The following CHP1 variants were observed in gnomAD, a reference collection of about 807,000 sequenced individuals.
CHP1 encodes the protein calcineurin like EF-hand protein 1, also known as calcineurin B homologous protein 1.
A neutral mutation model predicts 27.4 loss-of-function variants in CHP1; 11 were observed. The ratio of observed to expected loss-of-function variants is 0.40; its 90% CI spans 0.25 to 0.67. The LOEUF (loss-of-function observed/expected upper bound fraction) is 0.67. Among genes scored for constraint, CHP1 ranks in the 30% least tolerant of loss-of-function variants. The probability of loss-of-function intolerance (pLI) is 0.38; values close to 1 mark genes in which losing one functional copy is unlikely to be tolerated. For missense variants in CHP1, 169 were observed against 251.3 expected, an observed-to-expected ratio of 0.67 and a Z score of 2.22; for synonymous variants, 89 against 87.4, an observed-to-expected ratio of 1.02 and a Z score of -0.10.
At chr15:41,237,460 TC>T (rs1380900384) in intron 1 of CHP1, among the ~76,000 whole-genome samples, 1 of 152,186 alleles carries the variant, frequency 6.6e-6, no homozygotes, top group Non-Finnish European at 1.5e-5. Flanking sequence ...ATCATTCACT[TC>T]CTATTCAAAT....
At chr15:41,235,803 T>G (rs1467607447) in intron 1 of CHP1, among the ~76,000 whole-genome samples, 1 of 152,180 alleles carries the variant, frequency 6.6e-6, no homozygotes, top group Non-Finnish European at 1.5e-5. Context: ...GAAATTCAAC[T>G]TCAGGTTTCT....
chr15:41,233,927 C>T (rs982896517), intron 1 of CHP1, among the ~76,000 whole-genome samples: 5 of 152,122 alleles, frequency 3.3e-5, no homozygotes, highest in African/African-American at 1.2e-4. Context: ...TAGTGTCCAT[C>T]ATCAGAGTTG....
intron 5 of CHP1, chr15:41,272,342 A>G (rs1472942544): frequency 1.3e-5 from 2 of 152,080 alleles, no homozygotes; most frequent in African/African-American, 4.8e-5. Context: ...TATATTATTT[A>G]TACTTCAATA....
At chr15:41,268,202 G>A (rs1045536212) in intron 4 of CHP1, among the ~76,000 whole-genome samples, 3 of 152,172 alleles carry the variant, frequency 2.0e-5, no homozygotes, top group African/African-American at 7.2e-5. Flanking sequence ...AGATGAGAAA[G>A]GCATAGGGAG....
intron 1 of CHP1, among the ~76,000 whole-genome samples, chr15:41,238,168 T>C (rs2047287245): frequency 6.6e-6 from 1 of 152,022 alleles, no homozygotes; most frequent in Non-Finnish European, 1.5e-5. Context: ...GGCGTGTGTT[T>C]TTTTTTTGAG....
At chr15:41,257,019 T>A in intron 3 of CHP1, 29 bp downstream of exon 3, 1 of 1,554,248 alleles carries the variant, frequency 6.4e-7, no homozygotes, top group South Asian at 1.1e-5. Flanking sequence ...TGGACTTCCT[T>A]CCTGAGGCTA....
chr15:41,246,413 G>A (rs900810198), intron 2 of CHP1, among the ~76,000 whole-genome samples: 5 of 149,756 alleles, frequency 3.3e-5, no homozygotes, highest in South Asian at 2.2e-4. Flanking sequence ...TCTGCCTCCC[G>A]GGTTCAAGTG....
At position 41,236,662 on chromosome 15, in the gene CHP1, A is replaced by T. The variant is rs180814186; in HGVS notation, c.67+5213A>T. On this transcript the variant is annotated intron_variant, in intron 1 of 6. Transcript: ENST00000334660. Reference sequence around the variant, plus strand: ...TGACCCCAGCAGCAGCTGCGAAGATATAAGCTTTATTTTTGTAAATTTCTG... The same window carrying T: ...TGACCCCAGCAGCAGCTGCGAAGATTTAAGCTTTATTTTTGTAAATTTCTG... Among the ~76,000 whole-genome samples, 589 of 152,240 alleles carry T rather than the reference A, an allele frequency of 3.9e-3. 4 individuals are homozygous for T. The highest frequency in any genetic ancestry group is 0.022 in the South Asian group (104 of 4,818).
At chr15:41,232,961 A>T (rs1437888588) in intron 1 of CHP1, among the ~76,000 whole-genome samples, 1 of 152,130 alleles carries the variant, frequency 6.6e-6, no homozygotes. Flanking sequence ...AGCCTCCCCT[A>T]AAATATGGCC....
chr15:41,259,566 A>C (rs2047421159), intron 3 of CHP1, among the ~76,000 whole-genome samples: 1 of 140,858 alleles, frequency 7.1e-6, no homozygotes. Context: ...TTGAAAGTGG[A>C]CCATGGTTAT....
chr15:41,269,076 G>A (rs892311137), intron 4 of CHP1, among the ~76,000 whole-genome samples: 4 of 152,076 alleles, frequency 2.6e-5, no homozygotes, highest in Non-Finnish European at 4.4e-5. Flanking sequence ...CAGGTGTGGT[G>A]TCTGTGGTCC....
intron 5 of CHP1, among the ~76,000 whole-genome samples, chr15:41,274,247 C>A (rs1164159437): frequency 6.6e-6 from 1 of 152,066 alleles, no homozygotes; most frequent in African/African-American, 2.4e-5. Context: ...GCATGAGCCA[C>A]CGCACCTGGC....
At chr15:41,257,902 T>C (rs769014502) in intron 3 of CHP1, among the ~76,000 whole-genome samples, 2 of 152,218 alleles carry the variant, frequency 1.3e-5, no homozygotes, top group Admixed American at 6.5e-5. Flanking sequence ...GTGTGTAATT[T>C]ACACTTAAAC....
At chr15:41,265,237 G>A (rs569020305) in intron 4 of CHP1, among the ~76,000 whole-genome samples, 2 of 151,776 alleles carry the variant, frequency 1.3e-5, no homozygotes, top group East Asian at 3.9e-4. Flanking sequence ...AATGGTGGAT[G>A]CCTGTAATCC....
At chr15:41,238,001 C>T (rs1342742825) in intron 1 of CHP1, among the ~76,000 whole-genome samples, 1 of 152,192 alleles carries the variant, frequency 6.6e-6, no homozygotes, top group East Asian at 1.9e-4. Flanking sequence ...CCATGCCTGG[C>T]CCTCCAAAAT....
At chr15:41,277,542 C>A (rs558477404) in intron 5 of CHP1, among the ~76,000 whole-genome samples, 10 of 152,260 alleles carry the variant, frequency 6.6e-5, no homozygotes, top group Admixed American at 3.9e-4. Flanking sequence ...GTAATCTCAG[C>A]ACTTTGGGAG....
chr15:41,237,303 C>T (rs1042430945), intron 1 of CHP1, among the ~76,000 whole-genome samples: 4 of 151,142 alleles, frequency 2.6e-5, no homozygotes, highest in Non-Finnish European at 5.9e-5. Flanking sequence ...TGTGCCACCA[C>T]GCCTGGCTAA....
chr15:41,236,062 G>C (rs1367299484), intron 1 of CHP1, among the ~76,000 whole-genome samples: 1 of 149,244 alleles, frequency 6.7e-6, no homozygotes, highest in Non-Finnish European at 1.5e-5. Flanking sequence ...GGCATTGTGG[G>C]AAAGAGACCC....
intron 2 of CHP1, among the ~76,000 whole-genome samples, chr15:41,246,860 C>T (rs537333102): frequency 6.6e-6 from 1 of 150,910 alleles, no homozygotes; most frequent in African/African-American, 2.4e-5. Context: ...TGCACTCCAG[C>T]CTGGGAGACA....
Sources: allele counts gnomAD v4.1 joint callset (sites outside exome capture counted in the v4.1 genomes callset), GRCh38; gene constraint gnomAD v4.1.1; transcripts MANE v1.5; gene names NCBI Gene and HGNC (gene_info 2026-07-23, HGNC 2026-07-21).